DLG2: variants seen among roughly 807,000 people sequenced by gnomAD.
The protein encoded by DLG2 is disks large homolog 2.
DLG2 carries 45 observed loss-of-function variants against 132.5 expected under a neutral mutation model. That is an observed-to-expected ratio of 0.34 (90% CI 0.27 to 0.44). DLG2 has a LOEUF of 0.44. Among genes scored for constraint, DLG2 ranks in the 20% least tolerant of loss-of-function variants. The pLI, the probability that DLG2 is intolerant of heterozygous loss-of-function variation, is 1.00. For missense variants in DLG2, 1,045 were observed against 1,196.9 expected (o/e 0.87, Z 1.87); for synonymous variants, 424 against 419.6 (o/e 1.01, Z -0.13).
rs1406163670 is a variant in DLG2 at position 83,456,079 on chromosome 11, C to T, written c.*3739G>A. The stretch of plus-strand genomic sequence containing the variant: ...TGAATGGGAAAAAAATGTCTCTCTC[C>T]AAACCAAGGTGATGGCATGGCTTCA... On this transcript the variant is annotated 3_prime_UTR_variant, in exon 28 of 28. Transcript: ENST00000376104. The T allele has an allele frequency of 1.3e-5, 2 of 152,680 alleles. No individual in the cohort carries two copies. Among genetic ancestry groups the T allele is most frequent in the African/African-American group, 4.8e-5 (2 of 41,452 alleles). The allele number at this position is 152,680 out of a possible 1,614,324, so 9.5% of individuals were successfully genotyped here. A position where few individuals can be genotyped will look rare whatever the true frequency, so the allele number is the denominator to read the frequency against.
At chr11:84,186,865 G>C (rs893514158) in intron 8 of DLG2, among the ~76,000 whole-genome samples, 1 of 151,852 alleles carries the variant, frequency 6.6e-6, no homozygotes, top group African/African-American at 2.4e-5. Flanking sequence ...ATAAGCTTAG[G>C]TAAGTGAATG....
intron 20 of DLG2, among the ~76,000 whole-genome samples, chr11:83,534,703 G>A (rs1307339097): frequency 6.6e-6 from 1 of 152,244 alleles, no homozygotes; most frequent in Non-Finnish European, 1.5e-5. Flanking sequence ...AGGAGGCTGA[G>A]GCAGGTGTGT....
chr11:85,208,772 C>T (rs1224836751), intron 4 of DLG2, among the ~76,000 whole-genome samples: 1 of 152,050 alleles, frequency 6.6e-6, no homozygotes, highest in Non-Finnish European at 1.5e-5. Context: ...CCAGGGAGTC[C>T]TTAGTAAGAG....
At chr11:84,170,467 C>A (rs1185458106) in intron 8 of DLG2, among the ~76,000 whole-genome samples, 1 of 151,992 alleles carries the variant, frequency 6.6e-6, no homozygotes, top group Non-Finnish European at 1.5e-5. Context: ...TGTAACAAAG[C>A]GATAGGAGTG....
At position 84,675,338 on chromosome 11, in the gene DLG2, C is replaced by T. The variant is rs189626419; in HGVS notation, c.358-140607G>A. Among the ~76,000 whole-genome samples, 311 of 152,134 alleles carry T rather than the reference C, an allele frequency of 2.0e-3. 1 individual carries two copies. The highest frequency in any genetic ancestry group is 2.3e-3 in the Non-Finnish European group (159 of 67,976). On this transcript the variant is annotated intron_variant, in intron 6 of 27. Transcript: ENST00000376104. ...CAGCAGTGGCTCTAAGAAGCAGAGC[C>T]GCTTCTCTCCTGGGAAGTTGCCATT... is the stretch of plus-strand genomic sequence containing the variant.
chr11:83,651,672 A>T, intron 18 of DLG2: 2 of 306,306 alleles, frequency 6.5e-6, no homozygotes, highest in Non-Finnish European at 6.7e-6. Flanking sequence ...CATCCAGAGC[A>T]TTCAATTTAT....
intron 3 of DLG2, among the ~76,000 whole-genome samples, chr11:85,399,137 C>T (rs2087754588): frequency 6.6e-6 from 1 of 152,054 alleles, no homozygotes; most frequent in Non-Finnish European, 1.5e-5. Context: ...ACACCAATAA[C>T]AGACAAACAG....
intron 6 of DLG2, among the ~76,000 whole-genome samples, chr11:84,779,077 A>G (rs2071217383): frequency 6.6e-6 from 1 of 152,078 alleles, no homozygotes; most frequent in South Asian, 2.1e-4. Flanking sequence ...ACTCAGACTG[A>G]GCCACTACTG....
At chr11:85,380,242 T>C (rs1276501885) in intron 3 of DLG2, among the ~76,000 whole-genome samples, 2 of 152,256 alleles carry the variant, frequency 1.3e-5, no homozygotes. Context: ...ACAACAATGT[T>C]GCCACATTGA....
At chr11:85,493,983 G>C (rs761466011) in intron 3 of DLG2, among the ~76,000 whole-genome samples, 2 of 152,152 alleles carry the variant, frequency 1.3e-5, no homozygotes, top group Non-Finnish European at 2.9e-5. Context: ...ATAGTCCCTT[G>C]TTGCTGCATC....
chr11:85,296,929 T>C lies in DLG2; in HGVS notation c.41-11564A>G, dbSNP rs1392244722. Among the ~76,000 whole-genome samples the C allele has an allele frequency of 2.7e-5, 4 of 150,160 alleles. No individual in the cohort carries two copies. The Admixed American group carries it at 2.7e-4, about 10-fold the overall frequency. On this transcript the variant is annotated intron_variant, in intron 3 of 27. Transcript: ENST00000376104. Reference sequence around the variant, plus strand: ...TGTACAAAATGATACAATCATATTATAATTTATTGTAGTGTACAAATTATA... The same window carrying C: ...TGTACAAAATGATACAATCATATTACAATTTATTGTAGTGTACAAATTATA...
intron 3 of DLG2, among the ~76,000 whole-genome samples, chr11:85,557,597 A>G (rs576652197): frequency 6.6e-6 from 1 of 152,018 alleles, no homozygotes; most frequent in Admixed American, 6.6e-5. Flanking sequence ...TTAATGGTAC[A>G]AGAACAGACA....
At chr11:84,402,365 C>A (rs2098832549) in intron 7 of DLG2, among the ~76,000 whole-genome samples, 1 of 152,072 alleles carries the variant, frequency 6.6e-6, no homozygotes, top group South Asian at 2.1e-4. Context: ...GATCTGGAGT[C>A]AAGATTTGTC....
chr11:84,071,618 A>G (rs1318806791), intron 10 of DLG2, among the ~76,000 whole-genome samples: 1 of 152,150 alleles, frequency 6.6e-6, no homozygotes, highest in African/African-American at 2.4e-5. Context: ...AAAAGTTGTA[A>G]CTAGTCTTCT....
At chr11:84,850,212 A>T (rs1042608682) in intron 6 of DLG2, among the ~76,000 whole-genome samples, 1 of 152,102 alleles carries the variant, frequency 6.6e-6, no homozygotes, top group Admixed American at 6.6e-5. Flanking sequence ...TGAGAAAAGA[A>T]ATCATGTACC....
intron 21 of DLG2, among the ~76,000 whole-genome samples, chr11:83,519,151 G>A (rs1226736037): frequency 6.6e-6 from 1 of 152,196 alleles, no homozygotes; most frequent in Non-Finnish European, 1.5e-5. Flanking sequence ...ATGGTATGGA[G>A]TAAGACCCAG....
intron 14 of DLG2, among the ~76,000 whole-genome samples, chr11:83,947,010 T>C (rs10898185): frequency 0.11 from 16,618 of 152,278 alleles, 1,093 homozygotes; most frequent in South Asian, 0.15. Context: ...ACTTCGACAG[T>C]ATATGATCGA....
rs568400343 is a variant in DLG2 at position 85,358,933 on chromosome 11, G to GT, written c.41-73569dup. Among the ~76,000 whole-genome samples the GT allele has an allele frequency of 9.5e-3, 1,450 of 151,912 alleles. 17 individuals are homozygous for GT. The highest frequency in any genetic ancestry group is 0.032 in the African/African-American group (1,307 of 41,402). On this transcript the variant is annotated intron_variant, in intron 3 of 27. Transcript: ENST00000376104. ...TACTTTTTTTCTTTATCTTACCTAA[G>GT]TTTTTTTCTCTTCAGAACTCACTAC...
Position 83,668,668 on chromosome 11 carries a change from A to T in DLG2, c.1826-35343T>A, listed in dbSNP as rs571212513. On this transcript the variant is annotated intron_variant, in intron 18 of 27. Coordinates refer to ENST00000376104, the MANE Select transcript of DLG2 (RefSeq NM_001142699.3). ...ACACATGTGTATGTATATATGTATA[A>T]GTATATATGTATGTGTATATATATG... Among the ~76,000 whole-genome samples, 528 of 150,950 alleles carry T rather than the reference A, an allele frequency of 3.5e-3. 4 individuals are homozygous for T. The highest frequency in any genetic ancestry group is 9.3e-3 in the African/African-American group (383 of 41,218).
Sources: allele counts gnomAD v4.1 joint callset (sites outside exome capture counted in the v4.1 genomes callset), GRCh38; gene constraint gnomAD v4.1.1; transcripts MANE v1.5; gene names NCBI Gene and HGNC (gene_info 2026-07-23, HGNC 2026-07-21).